MED12L: variants seen among roughly 807,000 people sequenced by gnomAD.
MED12L encodes mediator of RNA polymerase II transcription subunit 12-like protein.
A neutral mutation model predicts 281.3 loss-of-function variants in MED12L; 60 were observed. That is an observed-to-expected ratio of 0.21 (90% CI 0.17 to 0.26). MED12L has a LOEUF of 0.26. Ranked by LOEUF, MED12L falls within the 10% of genes least tolerant of loss-of-function variation. MED12L has a pLI of 1.00. For synonymous variants in MED12L, 974 were observed against 987.2 expected (o/e 0.99, Z 0.25); for missense variants, 2,146 against 2,680.9 (o/e 0.80, Z 4.41).
chr3:151,222,957 T>A (rs2149276148), intron 16 of MED12L, among the ~76,000 whole-genome samples: 1 of 152,328 alleles, frequency 6.6e-6, no homozygotes, highest in Middle Eastern at 3.4e-3. Context: ...CTCTTGGAAA[T>A]GTAAATTGGT....
chr3:151,425,668 TGG>T (rs1226921987), intron 43 of MED12L: 1 of 456,696 alleles, frequency 2.2e-6, no homozygotes, highest in South Asian at 1.5e-5. Flanking sequence ...AGTAGTAAGC[TGG>T]GTATTCGGTC....
At chr3:151,090,957 C>G (rs941679556) in intron 2 of MED12L, among the ~76,000 whole-genome samples, 1 of 152,152 alleles carries the variant, frequency 6.6e-6, no homozygotes. Flanking sequence ...AGGAGAATCT[C>G]TTGAACCCAG....
At chr3:151,306,798 G>C (rs1368827541) in intron 16 of MED12L, among the ~76,000 whole-genome samples, 2 of 152,204 alleles carry the variant, frequency 1.3e-5, no homozygotes, top group African/African-American at 4.8e-5. Flanking sequence ...TGAAATATCA[G>C]TGCCAGTTAA....
chr3:151,161,284 G>GA (rs80022586), intron 8 of MED12L, among the ~76,000 whole-genome samples: 42,361 of 152,056 alleles, frequency 0.28, 7,173 homozygotes, highest in African/African-American at 0.47. Flanking sequence ...CCTCCAAATG[G>GA]ATATGTTCAA....
At chr3:151,408,799 G>T (rs922169541) in intron 39 of MED12L, among the ~76,000 whole-genome samples, 1 of 152,166 alleles carries the variant, frequency 6.6e-6, no homozygotes, top group African/African-American at 2.4e-5. Flanking sequence ...GCAATTAGTA[G>T]GTCACTGTGA....
chr3:151,199,079 A>C lies in MED12L; in HGVS notation c.2250+5413A>C, dbSNP rs368287689. 1.5e-5 allele frequency: 25 copies of C among 1,614,052 alleles called. No individual in the cohort carries two copies. In the East Asian group the frequency reaches 4.5e-4, roughly 29 times the overall value. On this transcript the variant is annotated intron_variant, in intron 16 of 44. Transcript: ENST00000687756. ...GTCAATGCTGACAAATGCTAAGAAGATAATTGATAAATACATATTGATATA... is the reference window on the plus strand; with the variant it reads ...GTCAATGCTGACAAATGCTAAGAAGCTAATTGATAAATACATATTGATATA...
At chr3:151,259,513 A>C (rs1313951079) in intron 16 of MED12L, among the ~76,000 whole-genome samples, 1 of 152,236 alleles carries the variant, frequency 6.6e-6, no homozygotes, top group Non-Finnish European at 1.5e-5. Context: ...GGTCTGTCTC[A>C]GGCAAACTGG....
intron 44 of MED12L, among the ~76,000 whole-genome samples, chr3:151,431,450 A>C (rs1156722172): frequency 1.3e-5 from 2 of 152,174 alleles, no homozygotes; most frequent in Admixed American, 6.5e-5. Flanking sequence ...CTACCAGTGG[A>C]TACCCAAAAT....
At chr3:151,285,423 G>C (rs185042998) in intron 16 of MED12L, among the ~76,000 whole-genome samples, 47 of 152,196 alleles carry the variant, frequency 3.1e-4, no homozygotes, top group African/African-American at 8.4e-4. Flanking sequence ...AGGAGGCGGA[G>C]CTTGCAGTGA....
chr3:151,394,638 T>G lies in MED12L; in HGVS notation c.5609-18T>G, dbSNP rs200078442. On this transcript the variant is annotated intron_variant, in intron 38 of 44. Coordinates refer to ENST00000687756, the MANE Select transcript of MED12L (RefSeq NM_001393769.1). ...ATTAACGTAGTTAGAAAGTGTTTCC[T>G]TTTGGTTGCTTTTGTAGGTGGCTCC... 64 of 1,613,124 alleles carry G rather than the reference T, an allele frequency of 4.0e-5. 2 individuals are homozygous for G. The highest frequency in any genetic ancestry group is 2.5e-4 in the Admixed American group (15 of 59,718).
chr3:151,319,564 T>C (rs1045220140), intron 16 of MED12L, among the ~76,000 whole-genome samples: 4 of 151,946 alleles, frequency 2.6e-5, no homozygotes, highest in African/African-American at 9.7e-5. Flanking sequence ...GTGATTTTTT[T>C]CCTTCTAACA....
intron 16 of MED12L, among the ~76,000 whole-genome samples, chr3:151,266,288 T>C (rs1739821533): frequency 6.6e-6 from 1 of 152,204 alleles, no homozygotes; most frequent in Non-Finnish European, 1.5e-5. Flanking sequence ...AACATGAACT[T>C]ATCAAAGCCA....
intron 43 of MED12L, among the ~76,000 whole-genome samples, chr3:151,422,451 C>T (rs1032226298): frequency 7.2e-5 from 11 of 152,130 alleles, no homozygotes; most frequent in East Asian, 1.9e-4. Context: ...TGGCATCGCT[C>T]GGCCCGTGGA....
intron 11 of MED12L, among the ~76,000 whole-genome samples, chr3:151,185,053 T>TG (rs1184961650): frequency 6.6e-6 from 1 of 152,172 alleles, no homozygotes; most frequent in Non-Finnish European, 1.5e-5. Context: ...AGAGGGTAGC[T>TG]GGGGCTAGGT....
rs1206473295 is a variant in MED12L, at chr3:151,384,070, T to C, written c.4791-13T>C. 1 of 1,605,032 alleles carries C rather than the reference T, an allele frequency of 6.2e-7. No individual in the cohort carries two copies. The highest frequency in any genetic ancestry group is 1.3e-5 in the African/African-American group (1 of 74,390). On this transcript the variant is annotated splice_polypyrimidine_tract_variant and intron_variant, in intron 34 of 44. Transcript: ENST00000687756. ...TTTCACTTTAAGATGAAAATAATTATTTTCTTTCTTAGTGAATTATTCACA... is the reference window on the plus strand; with the variant it reads ...TTTCACTTTAAGATGAAAATAATTACTTTCTTTCTTAGTGAATTATTCACA...
chr3:151,199,242 C>G, intron 16 of MED12L: 1 of 1,614,028 alleles, frequency 6.2e-7, no homozygotes, highest in Non-Finnish European at 8.5e-7. Flanking sequence ...TAGATGCTCA[C>G]ACACCTGTGA....
At chr3:151,345,517 C>CT (rs201731496) in intron 16 of MED12L, among the ~76,000 whole-genome samples, 19,259 of 131,518 alleles carry the variant, frequency 0.15, 1,785 homozygotes, top group Non-Finnish European at 0.21. Flanking sequence ...TTTTCTTTTT[C>CT]TTTTTTTTTT....
intron 8 of MED12L, 52 bp from the exon 9 acceptor site, chr3:151,163,841 T>G: frequency 6.4e-7 from 1 of 1,570,538 alleles, no homozygotes; most frequent in South Asian, 1.2e-5. Context: ...TTAGCTATTG[T>G]TATGCTTTTC....
At chr3:151,102,675 G>A (rs1432935793) in intron 2 of MED12L, among the ~76,000 whole-genome samples, 2 of 152,170 alleles carry the variant, frequency 1.3e-5, no homozygotes, top group Non-Finnish European at 2.9e-5. Context: ...GTCTCACTAT[G>A]TTGCCCAGGC....
Sources: gnomAD v4.1 joint callset for allele counts (sites outside exome capture counted in the v4.1 genomes callset) on GRCh38, gnomAD v4.1.1 for gene constraint, MANE v1.5 for transcripts, NCBI Gene and HGNC (gene_info 2026-07-23, HGNC 2026-07-21) for gene names.